The following MRPL10 variants were observed in gnomAD, a reference collection of about 807,000 sequenced individuals.
MRPL10 encodes the protein mitochondrial ribosomal protein L10.
MRPL10 carries 14 observed loss-of-function variants against 19.8 expected under a neutral mutation model. The ratio of observed to expected loss-of-function variants is 0.71; its 90% CI spans 0.47 to 1.11. The LOEUF (loss-of-function observed/expected upper bound fraction) is 1.11. Among genes scored for constraint, MRPL10 ranks in the 50% least tolerant of loss-of-function variants. The pLI is 0.00. For missense variants in MRPL10, 318 were observed against 339.6 expected (o/e 0.94, Z 0.50); for synonymous variants, 129 against 139.2 (o/e 0.93, Z 0.52).
chr17:47,827,146 C>T lies in MRPL10; in HGVS notation c.281G>A (p.Arg94Gln), dbSNP rs139362453. 272 of 1,614,116 alleles carry T rather than the reference C, an allele frequency of 1.7e-4. No individual in the cohort carries two copies. The highest frequency in any genetic ancestry group is 2.1e-4 in the Non-Finnish European group (252 of 1,179,982). Residue 94 changes from arginine (R) to glutamine (Q), a missense_variant, in exon 3 of 5, where the codon CGA (arginine) becomes CAA (glutamine). Coordinates refer to ENST00000351111, the MANE Select transcript of MRPL10 (RefSeq NM_145255.4). Reference sequence around the variant, plus strand: ...CACATTCTGGCAGACGGCTATCATTCGGTTGTCCTGGAAAACTGCTGCTAT... The same window carrying T: ...CACATTCTGGCAGACGGCTATCATTTGGTTGTCCTGGAAAACTGCTGCTAT... ...REIAAVFQDNRMIAVCQNVAL... is the reference protein window; with the variant it reads ...REIAAVFQDNQMIAVCQNVAL...
intron 1 of MRPL10, among the ~76,000 whole-genome samples, chr17:47,829,894 CA>C (rs202029179): frequency 0.026 from 3,523 of 135,922 alleles, 44 homozygotes; most frequent in Middle Eastern, 0.062. Context: ...AAGACTGTCT[CA>C]AAAAAAAAAA....
At position 47,823,447 on chromosome 17, in the gene MRPL10, A is replaced by C. The variant is rs1369482561; in HGVS notation, c.*758T>G. The C allele has an allele frequency of 6.8e-6, 1 of 147,072 alleles. No homozygotes were observed. The highest frequency in any genetic ancestry group is 1.5e-5 in the Non-Finnish European group (1 of 64,894). 9.1% of individuals were successfully genotyped at this position (147,072 alleles called of 1,614,324 possible). ...GAGGGAGGACAACCGTGTAAACCAC[A>C]AAATAAAGGAAGTAGAATATATTTC... is the stretch of plus-strand genomic sequence containing the variant. On this transcript the variant is annotated 3_prime_UTR_variant, in exon 5 of 5. Transcript: ENST00000351111.
rs144223720 is a variant in MRPL10 at position 47,830,671 on chromosome 17, C to T, written c.52+789G>A. ...CAGGCACGCGCCACCACACCCGGCT[C>T]ATTTTTGTATTTTTAGTAGAGTTGG... On this transcript the variant is annotated intron_variant, in intron 1 of 4. Coordinates refer to ENST00000351111, the MANE Select transcript of MRPL10 (RefSeq NM_145255.4). Among the ~76,000 whole-genome samples the T allele has an allele frequency of 2.6e-4, 39 of 152,044 alleles. 1 individual carries two copies.
At chr17:47,826,924 T>G (rs1297099224) in intron 3 of MRPL10, 116 bp downstream of exon 3, 1 of 1,455,502 alleles carries the variant, frequency 6.9e-7, no homozygotes, top group East Asian at 2.3e-5. Flanking sequence ...GATTAGAGGG[T>G]GACTCATGGA....
Position 47,824,047 on chromosome 17 carries a change from G to T in MRPL10, c.*158C>A. On this transcript the variant is annotated 3_prime_UTR_variant, in exon 5 of 5. Transcript: ENST00000351111. Reference sequence around the variant, plus strand: ...ACTGACATCTGAAATGGAATCCTCTGCATCTCCAAGTGGCCCTATACCTGA... The same window carrying T: ...ACTGACATCTGAAATGGAATCCTCTTCATCTCCAAGTGGCCCTATACCTGA... 2 of 858,378 alleles carry T rather than the reference G, an allele frequency of 2.3e-6. No homozygotes were observed. The highest frequency in any genetic ancestry group is 3.6e-6 in the Non-Finnish European group (2 of 556,124). 53.2% of individuals were successfully genotyped at this position (858,378 alleles called of 1,614,324 possible). A position where few individuals can be genotyped will look rare whatever the true frequency, so the allele number is the denominator to read the frequency against.
In MRPL10 at chr17:47,828,557, G is replaced by A. The variant is rs144184434; in HGVS notation, c.166C>T (p.Pro56Ser). Residue 56 changes from proline to serine, a missense_variant, in exon 2 of 5, where the codon CCG (proline) becomes TCG (serine). Coordinates refer to ENST00000351111, the MANE Select transcript of MRPL10 (RefSeq NM_145255.4). ...KLMAVTEYIP[P>S]KPAIHPSCLP... ...CATGATGGGTGGATGGCTGGTTTCG[G>A]GGGGATATATTCAGTCACAGCCATC... 199 of 1,496,554 alleles carry A rather than the reference G, an allele frequency of 1.3e-4. No individual in the cohort carries two copies. Among genetic ancestry groups the A allele is most frequent in the Non-Finnish European group, 1.7e-4 (190 of 1,127,582 alleles). 92.7% of individuals were successfully genotyped at this position (1,496,554 alleles called of 1,614,324 possible). A position where few individuals can be genotyped will look rare whatever the true frequency, so the allele number is the denominator to read the frequency against.
Position 47,824,430 on chromosome 17 carries a change from G to A in MRPL10, c.561C>T (p.Ser187=), listed in dbSNP as rs1383540388. 2.6e-6 allele frequency: 4 copies of A among 1,560,784 alleles called. No homozygotes were observed. The highest frequency in any genetic ancestry group is 3.5e-6 in the Non-Finnish European group (4 of 1,153,260). Reference sequence around the variant, plus strand: ...TGGAGTAGTTGATAAAGCCCTGCCTGCTGAGGATGGTGTCATCAATGCAGC... The same window carrying A: ...TGGAGTAGTTGATAAAGCCCTGCCTACTGAGGATGGTGTCATCAATGCAGC... ...LGGCIDDTIL[S]RQGFINYSKL... Residue 187 remains serine (S), a synonymous_variant, in exon 5 of 5, where the codon AGC becomes AGT. Coordinates refer to ENST00000351111, the MANE Select transcript of MRPL10 (RefSeq NM_145255.4).
In MRPL10 at chr17:47,824,328, C is replaced by T; in HGVS notation, c.663G>A (p.Leu221=). ...LTCLTAQTHS[L]LQHQPLQLTT... ...TCAGCTGGAGGGGCTGGTGCTGGAG[C>T]AGGGAGTGGGTCTGGGCTGTGAGGC... is the stretch of plus-strand genomic sequence containing the variant. Residue 221 remains leucine, a synonymous_variant, in exon 5 of 5, where the codon CTG becomes CTA. Transcript: ENST00000351111. 6.2e-7 allele frequency: 1 copy of T among 1,614,030 alleles called. No individual in the cohort carries two copies. The highest frequency in any genetic ancestry group is 8.5e-7 in the Non-Finnish European group (1 of 1,179,986).
chr17:47,828,516 GGGA>G lies in MRPL10; in HGVS notation c.204_206del (p.Pro69del). ...TCCTCCTTACCTCCTGTGGGGGGCTGGGAGGAGATGGCAGGCATGATGGGTGGA... is the reference window on the plus strand; with the variant it reads ...TCCTCCTTACCTCCTGTGGGGGGCTGGGAGATGGCAGGCATGATGGGTGGA... On this transcript the variant is annotated inframe_deletion, in exon 2 of 5. Transcript: ENST00000351111. The G allele has an allele frequency of 6.9e-7, 1 of 1,445,936 alleles. No individual in the cohort carries two copies. Among genetic ancestry groups the G allele is most frequent in the Non-Finnish European group, 9.1e-7 (1 of 1,096,754 alleles). 89.6% of individuals were successfully genotyped at this position (1,445,936 alleles called of 1,614,324 possible).
intron 2 of MRPL10, among the ~76,000 whole-genome samples, chr17:47,827,580 C>T (rs1170370282): frequency 6.6e-6 from 1 of 152,148 alleles, no homozygotes; most frequent in Non-Finnish European, 1.5e-5. Context: ...ATAAATATAA[C>T]TCTTTTGCAG....
rs542750009 is a variant in MRPL10, at chr17:47,827,997, G to A, written c.222+504C>T. Among the ~76,000 whole-genome samples the A allele has an allele frequency of 1.9e-3, 291 of 150,960 alleles. 2 individuals carry two copies. The highest frequency in any genetic ancestry group is 3.1e-3 in the Non-Finnish European group (211 of 67,894). ...AGGCAGGCAGATCACGAGGTCAGGAGATCAAGACCATCCTGGCTAACATGG... is the reference window on the plus strand; with the variant it reads ...AGGCAGGCAGATCACGAGGTCAGGAAATCAAGACCATCCTGGCTAACATGG... On this transcript the variant is annotated intron_variant, in intron 2 of 4. Transcript: ENST00000351111.
In MRPL10 at chr17:47,831,526, T is replaced by C. The variant is rs1366676154; in HGVS notation, c.-15A>G. On this transcript the variant is annotated 5_prime_UTR_variant, in exon 1 of 5. Transcript: ENST00000351111. ...GCCGCAGCCATCTCCACCGGAAGAA[T>C]GGACGGAAGCCGAGTGGAGACGGAA... is the stretch of plus-strand genomic sequence containing the variant. 19 of 1,549,412 alleles carry C rather than the reference T, an allele frequency of 1.2e-5. No homozygotes were observed. The highest frequency in any genetic ancestry group is 2.4e-5 in the East Asian group (1 of 40,902).
At chr17:47,829,967 G>A (rs1053957604) in intron 1 of MRPL10, among the ~76,000 whole-genome samples, 6 of 152,056 alleles carry the variant, frequency 3.9e-5, no homozygotes, top group Admixed American at 3.9e-4. Context: ...TACTGAATCA[G>A]CAATTCTGGG....
intron 4 of MRPL10, 55 bp downstream of exon 4, chr17:47,826,582 G>C: frequency 6.2e-7 from 1 of 1,602,308 alleles, no homozygotes; most frequent in Non-Finnish European, 8.5e-7. Flanking sequence ...AAGCCTAGCA[G>C]ATGGCAGCAG....
chr17:47,827,193 G>T lies in MRPL10; in HGVS notation c.234C>A (p.Leu78=), dbSNP rs760606148. Residue 78 remains leucine, a synonymous_variant, in exon 3 of 5, where the codon CTC becomes CTA. Transcript: ENST00000351111. ...CTATCTCCCGGCGGAGAAGCCTGATGAGGCCTATCTCCTGAAGTTGGAAAG... is the reference window on the plus strand; with the variant it reads ...CTATCTCCCGGCGGAGAAGCCTGATTAGGCCTATCTCCTGAAGTTGGAAAG... The part of the protein sequence containing the change: ...PPSPPQEEIG[L]IRLLRREIAA... 6.2e-7 allele frequency: 1 copy of T among 1,609,620 alleles called. No homozygotes were observed. The highest frequency in any genetic ancestry group is 1.3e-5 in the African/African-American group (1 of 74,772).
intron 4 of MRPL10, among the ~76,000 whole-genome samples, chr17:47,825,913 C>T (rs1011809725): frequency 2.6e-5 from 4 of 151,450 alleles, no homozygotes; most frequent in Non-Finnish European, 4.4e-5. Flanking sequence ...GCTGAGGTGG[C>T]GGATCACCTG....
chr17:47,831,540 G>C lies in MRPL10; in HGVS notation c.-29C>G. Reference sequence around the variant, plus strand: ...CACCGGAAGAATGGACGGAAGCCGAGTGGAGACGGAAAGAGCTAAGGATTG... The same window carrying C: ...CACCGGAAGAATGGACGGAAGCCGACTGGAGACGGAAAGAGCTAAGGATTG... On this transcript the variant is annotated 5_prime_UTR_variant, in exon 1 of 5. Transcript: ENST00000351111. 6.5e-7 allele frequency: 1 copy of C among 1,545,956 alleles called. No individual in the cohort carries two copies. The highest frequency in any genetic ancestry group is 8.7e-7 in the Non-Finnish European group (1 of 1,143,834).
Position 47,829,037 on chromosome 17 carries a change from C to T in MRPL10, c.53-367G>A, listed in dbSNP as rs534834835. On this transcript the variant is annotated intron_variant, in intron 1 of 4. Coordinates refer to ENST00000351111, the MANE Select transcript of MRPL10 (RefSeq NM_145255.4). ...CAGCACTTTGGTAGGCCGAAGCGGGCGAGATCACTTGAGGTCAGGAGTTTG... is the reference window on the plus strand; with the variant it reads ...CAGCACTTTGGTAGGCCGAAGCGGGTGAGATCACTTGAGGTCAGGAGTTTG... The T allele has an allele frequency of 7.8e-4, 126 of 160,716 alleles. 1 individual carries two copies. The highest frequency in any genetic ancestry group is 6.4e-4 in the Non-Finnish European group (47 of 73,508). The allele number at this position is 160,716 out of a possible 1,614,324, so 10.0% of individuals were successfully genotyped here.
At chr17:47,828,375 G>T in intron 2 of MRPL10, 126 bp downstream of exon 2, 1 of 631,544 alleles carries the variant, frequency 1.6e-6, no homozygotes, top group Non-Finnish European at 2.5e-6. Context: ...TCTGGATCAG[G>T]CAGTCAAACT....
Sources: gnomAD v4.1 joint callset for allele counts (sites outside exome capture counted in the v4.1 genomes callset) on GRCh38, gnomAD v4.1.1 for gene constraint, MANE v1.5 for transcripts, NCBI Gene and HGNC (gene_info 2026-07-23, HGNC 2026-07-21) for gene names.